The following NCKAP5 variants were observed in gnomAD, a reference collection of about 807,000 sequenced individuals.
NCKAP5 encodes NCK associated protein 5.
A neutral mutation model predicts 167.0 loss-of-function variants in NCKAP5; 92 were observed. The observed-to-expected ratio is 0.55, with a 90% CI of 0.47 to 0.66. The LOEUF (loss-of-function observed/expected upper bound fraction) is 0.66. NCKAP5 is among the 30% of genes least tolerant of loss of function. NCKAP5 has a pLI of 0.00. For synonymous variants in NCKAP5, 891 were observed against 877.4 expected, an observed-to-expected ratio of 1.02 and a Z score of -0.27; for missense variants, 2,378 against 2,315.0, an observed-to-expected ratio of 1.03 and a Z score of -0.56.
At chr2:132,790,951 C>T (rs1369704571) in intron 12 of NCKAP5, among the ~76,000 whole-genome samples, 2 of 152,094 alleles carry the variant, frequency 1.3e-5, no homozygotes, top group South Asian at 2.1e-4. Context: ...AAACATGACT[C>T]GAATGCTACA....
At chr2:133,143,698 C>A (rs890214162) in intron 5 of NCKAP5, among the ~76,000 whole-genome samples, 1 of 152,100 alleles carries the variant, frequency 6.6e-6, no homozygotes, top group African/African-American at 2.4e-5. Context: ...CTCTTCCCAG[C>A]ATCACAAATA....
rs551615027 is a variant in NCKAP5 at position 133,012,536 on chromosome 2, G to A, written c.342-18297C>T. Among the ~76,000 whole-genome samples the A allele has an allele frequency of 1.3e-4, 20 of 152,108 alleles. No homozygotes were observed. The East Asian group carries it at 3.9e-3, about 29-fold the overall frequency. ...GTGCTGGGATTACAGGCGTGTCAGAGTGGTTTCTTATCATCAATGGGCCTG... is the reference window on the plus strand; with the variant it reads ...GTGCTGGGATTACAGGCGTGTCAGAATGGTTTCTTATCATCAATGGGCCTG... On this transcript the variant is annotated intron_variant, in intron 6 of 19. Transcript: ENST00000409261.
At chr2:133,144,718 G>A (rs1213498994) in intron 5 of NCKAP5, among the ~76,000 whole-genome samples, 1 of 152,134 alleles carries the variant, frequency 6.6e-6, no homozygotes. Context: ...TCTGTACAGA[G>A]GCACCTGCGT....
chr2:133,658,649 A>T, the NCKAP5 span, among the ~76,000 whole-genome samples: 2 of 152,124 alleles, frequency 1.3e-5, no homozygotes, highest in African/African-American at 4.8e-5. Context: ...AGGCTCAGGG[A>T]CAGTCAGGCT....
intron 2 of NCKAP5, among the ~76,000 whole-genome samples, chr2:133,537,636 C>T (rs1685864562): frequency 6.6e-6 from 1 of 152,052 alleles, no homozygotes; most frequent in Admixed American, 6.5e-5. Flanking sequence ...AATTGAAAAA[C>T]TAGTTCGTAT....
At chr2:133,050,146 T>A (rs555802769) in intron 6 of NCKAP5, among the ~76,000 whole-genome samples, 11 of 152,216 alleles carry the variant, frequency 7.2e-5, no homozygotes, top group Non-Finnish European at 7.3e-5. Context: ...GTTCTTTCTA[T>A]ATCTGTAGTC....
chr2:133,114,015 A>G (rs1374590935), intron 6 of NCKAP5, among the ~76,000 whole-genome samples: 1 of 152,220 alleles, frequency 6.6e-6, no homozygotes, highest in African/African-American at 2.4e-5. Flanking sequence ...CACATTTTAC[A>G]TGGCATTTTA....
At chr2:133,567,657 CTGTGTGTGTGTGTG>C (rs3050985) in intron 1 of NCKAP5, among the ~76,000 whole-genome samples, 262 of 130,994 alleles carry the variant, frequency 2.0e-3, no homozygotes, top group African/African-American at 6.6e-3. Context: ...ATGAATGAGC[CTGTGTGTGTGTGTG>C]TGTGTGTGTG....
chr2:133,386,004 G>A (rs977450129), intron 3 of NCKAP5, among the ~76,000 whole-genome samples: 15 of 152,108 alleles, frequency 9.9e-5, no homozygotes, highest in African/African-American at 3.4e-4. Flanking sequence ...CCAGCTCCTG[G>A]ATTCATTGAT....
At chr2:133,528,111 C>G (rs1685071502) in intron 2 of NCKAP5, among the ~76,000 whole-genome samples, 1 of 151,962 alleles carries the variant, frequency 6.6e-6, no homozygotes, top group African/African-American at 2.4e-5. Flanking sequence ...TAGTCAATGA[C>G]CACCCACTAA....
At chr2:133,263,283 GA>G (rs35086235) in intron 4 of NCKAP5, among the ~76,000 whole-genome samples, 17,965 of 131,576 alleles carry the variant, frequency 0.14, 1,171 homozygotes, top group African/African-American at 0.19. Context: ...AACTCTCTAG[GA>G]AAAAAAAAAA....
At chr2:132,805,984 T>C (rs1350749182) in intron 11 of NCKAP5, among the ~76,000 whole-genome samples, 2 of 152,138 alleles carry the variant, frequency 1.3e-5, no homozygotes, top group African/African-American at 2.4e-5. Context: ...TGACTTTGCG[T>C]CCTCATAGCT....
chr2:133,033,794 C>T (rs182173322), intron 6 of NCKAP5, among the ~76,000 whole-genome samples: 1 of 151,672 alleles, frequency 6.6e-6, no homozygotes, highest in East Asian at 1.9e-4. Context: ...AGCCTGAAGA[C>T]AAGCTATTTG....
At chr2:133,568,167 T>C (rs1237220004) in intron 1 of NCKAP5, 49 bp downstream of exon 1, 1 of 152,046 alleles carries the variant, frequency 6.6e-6, no homozygotes, top group Non-Finnish European at 1.5e-5. Flanking sequence ...GCTGTATAAA[T>C]AAGAAAAACT....
intron 2 of NCKAP5, among the ~76,000 whole-genome samples, chr2:133,529,825 C>A (rs1685214208): frequency 6.6e-6 from 1 of 152,086 alleles, no homozygotes; most frequent in Admixed American, 6.6e-5. Flanking sequence ...GTTATCTGAA[C>A]TATTTTTCTC....
intron 10 of NCKAP5, among the ~76,000 whole-genome samples, chr2:132,864,462 C>T (rs1340671386): frequency 6.6e-6 from 1 of 152,152 alleles, no homozygotes; most frequent in Non-Finnish European, 1.5e-5. Context: ...GAGATTACAG[C>T]TGAGCAATGT....
intron 6 of NCKAP5, among the ~76,000 whole-genome samples, chr2:133,115,357 G>C (rs2082037482): frequency 1.3e-5 from 2 of 152,038 alleles, no homozygotes; most frequent in Admixed American, 1.3e-4. Context: ...GATATTTTGT[G>C]GATTTCTTTT....
At chr2:132,883,057 C>A (rs1335330745) in intron 8 of NCKAP5, among the ~76,000 whole-genome samples, 1 of 151,922 alleles carries the variant, frequency 6.6e-6, no homozygotes, top group African/African-American at 2.4e-5. Context: ...TAAAAATTAG[C>A]CAGGTGTGGT....
In NCKAP5 at chr2:133,142,351, C is replaced by T. The variant is rs187136643; in HGVS notation, c.208-12240G>A. On this transcript the variant is annotated intron_variant, in intron 5 of 19. Transcript: ENST00000409261. ...ACTCACAAAAGATAGGCCAGTGTGG[C>T]TACAATTACTACTATTAATAATAGA... Among the ~76,000 whole-genome samples the T allele has an allele frequency of 4.1e-4, 63 of 152,210 alleles. No individual in the cohort carries two copies. In the Middle Eastern group the frequency reaches 0.01, roughly 25 times the overall value.
Sources: gnomAD v4.1 joint callset for allele counts (sites outside exome capture counted in the v4.1 genomes callset) on GRCh38, gnomAD v4.1.1 for gene constraint, MANE v1.5 for transcripts, NCBI Gene and HGNC (gene_info 2026-07-23, HGNC 2026-07-21) for gene names.